Variants in SIPA1L1 observed in about 807,000 individuals in gnomAD.
The protein encoded by SIPA1L1 is signal-induced proliferation-associated 1-like protein 1.
SIPA1L1 carries 26 observed loss-of-function variants against 162.7 expected under a neutral mutation model. The observed-to-expected ratio is 0.16, with a 90% confidence interval of 0.12 to 0.22. SIPA1L1 has a LOEUF of 0.22. SIPA1L1 is among the 10% of genes least tolerant of loss of function. The probability of loss-of-function intolerance (pLI) is 1.00; values close to 1 mark genes in which losing one functional copy is unlikely to be tolerated. For missense variants in SIPA1L1, 1,874 were observed against 2,241.0 expected (o/e 0.84, Z 3.31); for synonymous variants, 829 against 837.4 (o/e 0.99, Z 0.17).
At chr14:71,662,739 G>A (rs1454893639) in intron 10 of SIPA1L1, among the ~76,000 whole-genome samples, 1 of 152,150 alleles carries the variant, frequency 6.6e-6, no homozygotes, top group Non-Finnish European at 1.5e-5. Context: ...AGTTTCCTAG[G>A]GTTGGGGCAG....
At chr14:71,671,924 TG>T in intron 11 of SIPA1L1, among the ~76,000 whole-genome samples, 1 of 151,750 alleles carries the variant, frequency 6.6e-6, no homozygotes, top group Non-Finnish European at 1.5e-5. Context: ...TGTGTGTGTG[TG>T]TGTGTGTGTG....
At chr14:71,699,499 C>G (rs191711634) in intron 14 of SIPA1L1, among the ~76,000 whole-genome samples, 1 of 152,312 alleles carries the variant, frequency 6.6e-6, no homozygotes, top group Admixed American at 6.5e-5. Flanking sequence ...AGAAGCAAAA[C>G]TGTTTAAAAG....
At chr14:71,463,020 A>C (rs1265073731) in intron 2 of SIPA1L1, among the ~76,000 whole-genome samples, 1 of 152,248 alleles carries the variant, frequency 6.6e-6, no homozygotes, top group Admixed American at 6.5e-5. Flanking sequence ...AGCAGCTGCA[A>C]TTGGAGTCAC....
intron 2 of SIPA1L1, among the ~76,000 whole-genome samples, chr14:71,409,780 A>G (rs1424696372): frequency 6.6e-6 from 1 of 152,214 alleles, no homozygotes; most frequent in Non-Finnish European, 1.5e-5. Flanking sequence ...TAGTTCAGGG[A>G]AAAAAGTGTT....
In SIPA1L1 at chr14:71,709,477, C is replaced by T; in HGVS notation, c.4021C>T (p.Leu1341=). ...SGPGKEKVAP[L]WHSSSEVISM... ...GCCAGGCAAGGAGAAAGTGGCACCC[C>T]TATGGCACAGCTCCAGTGAAGTAAT... is the stretch of plus-strand genomic sequence containing the variant. Residue 1341 remains leucine, a synonymous_variant, in exon 17 of 24, where the codon CTA becomes TTA. Transcript: ENST00000381232. 1.2e-6 allele frequency: 2 copies of T among 1,614,236 alleles called. No individual in the cohort carries two copies. Among genetic ancestry groups the T allele is most frequent in the Non-Finnish European group, 8.5e-7 (1 of 1,180,036 alleles).
Position 71,724,670 on chromosome 14 carries a change from G to C in SIPA1L1, c.4449G>C (p.Lys1483Asn). 1 of 1,605,394 alleles carries C rather than the reference G, an allele frequency of 6.2e-7. No individual in the cohort carries two copies. ...ATCATCTCTTCCCTTTTTTGTCCAGGCGTCATCAGAGCGATGGCAATGAAA... is the reference window on the plus strand; with the variant it reads ...ATCATCTCTTCCCTTTTTTGTCCAGCCGTCATCAGAGCGATGGCAATGAAA... ...INSVGFMDTR[K>N]RHQSDGNEIA... is the part of the protein sequence containing the mutation. The change falls in exon 19 of 24, where the codon AAG becomes AAC. Residue 1483 changes from lysine (K) to asparagine (N), a missense_variant and splice_region_variant. Lys to Asn is a moderately conservative substitution (Grantham distance 94). Coordinates refer to ENST00000381232, the MANE Select transcript of SIPA1L1 (RefSeq NM_001386936.1).
intron 2 of SIPA1L1, among the ~76,000 whole-genome samples, chr14:71,496,360 AT>A (rs149840890): frequency 0.045 from 6,699 of 149,342 alleles, 465 homozygotes; most frequent in African/African-American, 0.15. Context: ...TTTGCTTGTG[AT>A]TTTTTTTTTC....
rs2043493547 is a variant in SIPA1L1 at position 71,661,372 on chromosome 14, A to C, written c.2160A>C (p.Ala720=). 1 of 1,613,962 alleles carries C rather than the reference A, an allele frequency of 6.2e-7. No individual in the cohort carries two copies. The highest frequency in any genetic ancestry group is 1.1e-5 in the South Asian group (1 of 91,088). Residue 720 remains alanine, a synonymous_variant, in exon 10 of 24, where the codon GCA becomes GCC. Coordinates refer to ENST00000381232, the MANE Select transcript of SIPA1L1 (RefSeq NM_001386936.1). ...IVTIVFQEPG[A]QPFSPKNIRS... ...CAATTGTTTTCCAAGAGCCTGGAGC[A>C]CAGCCATTCAGCCCAAAAAACATCC... is the stretch of plus-strand genomic sequence containing the variant.
chr14:71,548,134 G>A (rs868830438), intron 4 of SIPA1L1, among the ~76,000 whole-genome samples: 8 of 152,184 alleles, frequency 5.3e-5, no homozygotes, highest in African/African-American at 7.2e-5. Flanking sequence ...ATTGTTTAGT[G>A]ATTTCATTGG....
At chr14:71,396,441 C>T (rs2041207653) in intron 2 of SIPA1L1, among the ~76,000 whole-genome samples, 1 of 152,128 alleles carries the variant, frequency 6.6e-6, no homozygotes, top group African/African-American at 2.4e-5. Context: ...TTTTATGCTC[C>T]TGGCCAACTA....
intron 4 of SIPA1L1, among the ~76,000 whole-genome samples, chr14:71,547,606 T>C (rs1433605622): frequency 6.6e-6 from 1 of 152,170 alleles, no homozygotes. Context: ...AAAATAGTTT[T>C]GGATTGTATT....
At position 71,709,404 on chromosome 14, in the gene SIPA1L1, C is replaced by T. The variant is rs149098839; in HGVS notation, c.3948C>T (p.His1316=). The change falls in exon 17 of 24, where the codon CAC becomes CAT. Residue 1316 remains histidine, a synonymous_variant. Coordinates refer to ENST00000381232, the MANE Select transcript of SIPA1L1 (RefSeq NM_001386936.1). ...ACACCACCTCTTATGGCCCCAGCCACGGCAGCACAGCCTCGCTGGGGGCTG... is the reference window on the plus strand; with the variant it reads ...ACACCACCTCTTATGGCCCCAGCCATGGCAGCACAGCCTCGCTGGGGGCTG... The part of the protein sequence containing the change: ...GIDTTSYGPS[H]GSTASLGAAT... 2.3e-4 allele frequency: 379 copies of T among 1,614,240 alleles called. 2 individuals are homozygous for T. The East Asian group carries it at 7.0e-3, about 30-fold the overall frequency.
chr14:71,323,021 T>C (rs1029421451), intron 2 of SIPA1L1, among the ~76,000 whole-genome samples: 2 of 152,262 alleles, frequency 1.3e-5, no homozygotes, highest in African/African-American at 4.8e-5. Flanking sequence ...ACCTCTCTGA[T>C]ACTTTGTACT....
At chr14:71,541,159 A>G (rs978776896) in intron 4 of SIPA1L1, among the ~76,000 whole-genome samples, 3 of 152,092 alleles carry the variant, frequency 2.0e-5, no homozygotes, top group African/African-American at 7.2e-5. Flanking sequence ...TATATGGAAG[A>G]TAATTTTTTC....
At chr14:71,612,641 CA>C (rs1209114080) in intron 5 of SIPA1L1, among the ~76,000 whole-genome samples, 1 of 152,030 alleles carries the variant, frequency 6.6e-6, no homozygotes, top group African/African-American at 2.4e-5. Context: ...GTGCAAGTGA[CA>C]AAAAATTGAT....
At chr14:71,616,530 A>T (rs1402823397) in intron 5 of SIPA1L1, among the ~76,000 whole-genome samples, 1 of 151,780 alleles carries the variant, frequency 6.6e-6, no homozygotes, top group Admixed American at 6.6e-5. Context: ...TTGAAGATAA[A>T]AAAAGAGGGT....
intron 2 of SIPA1L1, among the ~76,000 whole-genome samples, chr14:71,421,460 A>G (rs1393557591): frequency 6.6e-6 from 1 of 151,972 alleles, no homozygotes; most frequent in East Asian, 1.9e-4. Context: ...GTAGGCAGGT[A>G]TGGTGGTGTT....
intron 2 of SIPA1L1, among the ~76,000 whole-genome samples, chr14:71,334,168 G>C: frequency 6.6e-6 from 1 of 152,158 alleles, no homozygotes; most frequent in East Asian, 1.9e-4. Context: ...GGGCAGGTCT[G>C]TCAGTCTTCA....
In SIPA1L1 at chr14:71,724,524, T is replaced by A. The variant is rs981175932; in HGVS notation, c.4449-146T>A. The A allele has an allele frequency of 1.7e-5, 10 of 583,924 alleles. No individual in the cohort carries two copies. The African/African-American group carries it at 1.7e-4, about 10-fold the overall frequency. 36.2% of individuals were successfully genotyped at this position (583,924 alleles called of 1,614,324 possible). A position where few individuals can be genotyped will look rare whatever the true frequency, so the allele number is the denominator to read the frequency against. ...TTCAGTAAGCGTTTATATGAGTAGA[T>A]TCGCATATAAACAGAAGTAATTATC... On this transcript the variant is annotated intron_variant, in intron 18 of 23. Transcript: ENST00000381232.
Sources: gnomAD v4.1 joint callset for allele counts (sites outside exome capture counted in the v4.1 genomes callset) on GRCh38, gnomAD v4.1.1 for gene constraint, MANE v1.5 for transcripts, NCBI Gene and HGNC (gene_info 2026-07-23, HGNC 2026-07-21) for gene names.